Variants in AGPAT4 observed in about 807,000 individuals in gnomAD.
AGPAT4 encodes 1-acyl-sn-glycerol-3-phosphate acyltransferase delta.
AGPAT4 carries 15 observed loss-of-function variants against 48.0 expected under a neutral mutation model. That is an observed-to-expected ratio of 0.31 (90% CI 0.21 to 0.48). The LOEUF is 0.48. Ranked by LOEUF, AGPAT4 falls within the 20% of genes least tolerant of loss-of-function variation. The pLI is 0.99. For synonymous variants in AGPAT4, 178 were observed against 198.7 expected, an observed-to-expected ratio of 0.90 and a Z score of 0.88; for missense variants, 314 against 482.5, an observed-to-expected ratio of 0.65 and a Z score of 3.27.
At chr6:161,191,636 G>A (rs1252661943) in intron 2 of AGPAT4, among the ~76,000 whole-genome samples, 1 of 152,196 alleles carries the variant, frequency 6.6e-6, no homozygotes, top group Non-Finnish European at 1.5e-5. Context: ...TGAAGATGTT[G>A]ATTAATTAGA....
At position 161,231,795 on chromosome 6, in the gene AGPAT4, C is replaced by A. The variant is rs139279614; in HGVS notation, c.178+241G>T. The stretch of plus-strand genomic sequence containing the variant: ...GAGAACTAAAGAAACTAATGGAATG[C>A]GTATTTACTTTTCATAGTATACCTG... On this transcript the variant is annotated intron_variant, in intron 2 of 8. Transcript: ENST00000320285. This position sits in a 1 kb window ranked among gnomAD's most constrained non-coding sequence, Gnocchi z 5.3. Among the ~76,000 whole-genome samples, 1 of 152,040 alleles carries A rather than the reference C, an allele frequency of 6.6e-6. No homozygotes were observed. Among genetic ancestry groups the A allele is most frequent in the Non-Finnish European group, 1.5e-5 (1 of 68,020 alleles).
chr6:161,244,318 C>T lies in AGPAT4; in HGVS notation c.-89-12016G>A, dbSNP rs1782588810. Among the ~76,000 whole-genome samples the T allele has an allele frequency of 6.6e-6, 1 of 152,316 alleles. No homozygotes were observed. The highest frequency in any genetic ancestry group is 2.1e-4 in the South Asian group (1 of 4,820). On this transcript the variant is annotated intron_variant, in intron 1 of 8. Coordinates refer to ENST00000320285, the MANE Select transcript of AGPAT4 (RefSeq NM_020133.3). This position sits in a 1 kb window ranked among gnomAD's most constrained non-coding sequence, Gnocchi z 4.7. ...TGACACCAACGCAGACAGCACGTTC[C>T]TACATCACCAGCAAATCATGGCACC... is the stretch of plus-strand genomic sequence containing the variant.
In AGPAT4 at chr6:161,225,946, C is replaced by A. The variant is rs111769801; in HGVS notation, c.178+6090G>T. On this transcript the variant is annotated intron_variant, in intron 2 of 8. Transcript: ENST00000320285. This position sits in a 1 kb window ranked among gnomAD's most constrained non-coding sequence, Gnocchi z 5.0. The stretch of plus-strand genomic sequence containing the variant: ...CGGGTCTTTTAAATTCCTTTCCATC[C>A]GACTTGACTCGCCAAAGCCACTGTT... 1.3e-5 allele frequency among the ~76,000 whole-genome samples: 2 copies of A among 152,026 alleles called. No individual in the cohort carries two copies. The highest frequency in any genetic ancestry group is 2.9e-5 in the Non-Finnish European group (2 of 68,020).
chr6:161,258,192 G>C (rs1241590658), intron 1 of AGPAT4, among the ~76,000 whole-genome samples: 1 of 152,172 alleles, frequency 6.6e-6, no homozygotes, highest in African/African-American at 2.4e-5. Context: ...AAGACTGAGA[G>C]TGGCAGTTCA....
At position 161,245,728 on chromosome 6, in the gene AGPAT4, G is replaced by A. The variant is rs529643119; in HGVS notation, c.-89-13426C>T. 9.9e-5 allele frequency among the ~76,000 whole-genome samples: 15 copies of A among 152,082 alleles called. No homozygotes were observed. Among genetic ancestry groups the A allele is most frequent in the Admixed American group, 2.6e-4 (4 of 15,262 alleles). Reference sequence around the variant, plus strand: ...AAGTGCCCTCAATCCTTGAGTTCTTGGAGATCCTGTCATTGCCAATCCTAG... The same window carrying A: ...AAGTGCCCTCAATCCTTGAGTTCTTAGAGATCCTGTCATTGCCAATCCTAG... On this transcript the variant is annotated intron_variant, in intron 1 of 8. Coordinates refer to ENST00000320285, the MANE Select transcript of AGPAT4 (RefSeq NM_020133.3). The surrounding 1 kb of genome is among the most constrained non-coding windows in gnomAD (Gnocchi z 5.2).
In AGPAT4 at chr6:161,246,472, T is replaced by C. The variant is rs1029271750; in HGVS notation, c.-89-14170A>G. 3.3e-5 allele frequency among the ~76,000 whole-genome samples: 5 copies of C among 150,110 alleles called. No individual in the cohort carries two copies. The highest frequency in any genetic ancestry group is 1.2e-4 in the African/African-American group (5 of 40,598). On this transcript the variant is annotated intron_variant, in intron 1 of 8. Transcript: ENST00000320285. This position sits in a 1 kb window ranked among gnomAD's most constrained non-coding sequence, Gnocchi z 5.5. ...TTGCCCAGGCTGGAGTGCAATGGAG[T>C]GATCTCAGCTCACTGCAACCTCCGC...
At position 161,208,721 on chromosome 6, in the gene AGPAT4, A is replaced by G. The variant is rs1781446701; in HGVS notation, c.178+23315T>C. 6.6e-6 allele frequency among the ~76,000 whole-genome samples: 1 copy of G among 152,248 alleles called. No individual in the cohort carries two copies. Among genetic ancestry groups the G allele is most frequent in the Admixed American group, 6.5e-5 (1 of 15,276 alleles). On this transcript the variant is annotated intron_variant, in intron 2 of 8. Coordinates refer to ENST00000320285, the MANE Select transcript of AGPAT4 (RefSeq NM_020133.3). The surrounding 1 kb of genome is among the most constrained non-coding windows in gnomAD (Gnocchi z 4.6). ...AAAAGAAGTCTATGTGTTCAAAAGA[A>G]AACTATTTGGTGCTGATTTATTTAA...
At position 161,234,306 on chromosome 6, in the gene AGPAT4, C is replaced by T. The variant is rs1782206881; in HGVS notation, c.-89-2004G>A. On this transcript the variant is annotated intron_variant, in intron 1 of 8. Coordinates refer to ENST00000320285, the MANE Select transcript of AGPAT4 (RefSeq NM_020133.3). The surrounding 1 kb of genome is among the most constrained non-coding windows in gnomAD (Gnocchi z 4.4). ...CTGATAGGAGGGAAATGGGAAGAAG[C>T]TTTCGGCCTGATTTCTCTGAAATCA... 6.6e-6 allele frequency among the ~76,000 whole-genome samples: 1 copy of T among 152,168 alleles called. No homozygotes were observed. The highest frequency in any genetic ancestry group is 2.4e-5 in the African/African-American group (1 of 41,438).
rs1336303057 is a variant in AGPAT4 at position 161,161,584 on chromosome 6, C to T, written c.348+4664G>A. 2.4e-6 allele frequency: 1 copy of T among 422,926 alleles called. No homozygotes were observed. 26.2% of individuals were successfully genotyped at this position (422,926 alleles called of 1,614,324 possible). On this transcript the variant is annotated intron_variant, in intron 3 of 8. Transcript: ENST00000320285. The surrounding 1 kb of genome is among the most constrained non-coding windows in gnomAD (Gnocchi z 4.6). ...GTGAGCAGGGTGCAAGACCACCCTACAGAGCTGACAAAACCATGGCGGTGG... is the reference window on the plus strand; with the variant it reads ...GTGAGCAGGGTGCAAGACCACCCTATAGAGCTGACAAAACCATGGCGGTGG...
At position 161,249,090 on chromosome 6, in the gene AGPAT4, T is replaced by C. The variant is rs1203977841; in HGVS notation, c.-89-16788A>G. ...AAAGGACTCCCTATTCAATAAACAG[T>C]GCTGGGATAACTGGCTAGCTATATG... On this transcript the variant is annotated intron_variant, in intron 1 of 8. Coordinates refer to ENST00000320285, the MANE Select transcript of AGPAT4 (RefSeq NM_020133.3). This position sits in a 1 kb window ranked among gnomAD's most constrained non-coding sequence, Gnocchi z 6.2. Among the ~76,000 whole-genome samples, 3 of 152,170 alleles carry C rather than the reference T, an allele frequency of 2.0e-5. No homozygotes were observed. The highest frequency in any genetic ancestry group is 4.4e-5 in the Non-Finnish European group (3 of 68,032).
chr6:161,218,173 T>C lies in AGPAT4; in HGVS notation c.178+13863A>G, dbSNP rs1433790897. 6.6e-6 allele frequency among the ~76,000 whole-genome samples: 1 copy of C among 152,174 alleles called. No individual in the cohort carries two copies. Among genetic ancestry groups the C allele is most frequent in the Non-Finnish European group, 1.5e-5 (1 of 68,036 alleles). Reference sequence around the variant, plus strand: ...TGTAGCTCTCTACCCCCGTCCACAGTGACGGTGCCAATGGTGCTGTGCTGG... The same window carrying C: ...TGTAGCTCTCTACCCCCGTCCACAGCGACGGTGCCAATGGTGCTGTGCTGG... On this transcript the variant is annotated intron_variant, in intron 2 of 8. Transcript: ENST00000320285. The surrounding 1 kb of genome is among the most constrained non-coding windows in gnomAD (Gnocchi z 4.7).
intron 2 of AGPAT4, among the ~76,000 whole-genome samples, chr6:161,175,781 T>C (rs1780411926): frequency 6.6e-6 from 1 of 152,240 alleles, no homozygotes; most frequent in Non-Finnish European, 1.5e-5. Context: ...TTTAGTGCTA[T>C]AAATTTCCCT....
At chr6:161,260,261 C>G (rs1351585960) in intron 1 of AGPAT4, among the ~76,000 whole-genome samples, 1 of 152,122 alleles carries the variant, frequency 6.6e-6, no homozygotes, top group Non-Finnish European at 1.5e-5. Context: ...GAACACTGAC[C>G]AGTCCCAAGG....
In AGPAT4 at chr6:161,262,343, G is replaced by A. The variant is rs1342516593; in HGVS notation, c.-90+11595C>T. Among the ~76,000 whole-genome samples the A allele has an allele frequency of 2.6e-5, 4 of 152,176 alleles. No individual in the cohort carries two copies. The highest frequency in any genetic ancestry group is 7.2e-5 in the African/African-American group (3 of 41,446). On this transcript the variant is annotated intron_variant, in intron 1 of 8. Coordinates refer to ENST00000320285, the MANE Select transcript of AGPAT4 (RefSeq NM_020133.3). The surrounding 1 kb of genome is among the most constrained non-coding windows in gnomAD (Gnocchi z 4.9). ...ACTCTGCTGCCAGGACCTGAAAAGC[G>A]TGATGGAGCTGCAGCCATGGTGGCC...
intron 1 of AGPAT4, among the ~76,000 whole-genome samples, chr6:161,260,434 C>T (rs112302728): frequency 0.031 from 4,769 of 151,750 alleles, 264 homozygotes; most frequent in African/African-American, 0.11. Context: ...CTGAGGCAGG[C>T]GGATCACTTG....
Position 161,142,193 on chromosome 6 carries a change from A to G in AGPAT4, c.844-2573T>C, listed in dbSNP as rs560110589. ...GTTTTCTTTGTCTGTGGTTTAAAACACTAAATCTCATCCCCTCCCCTCACT... is the reference window on the plus strand; with the variant it reads ...GTTTTCTTTGTCTGTGGTTTAAAACGCTAAATCTCATCCCCTCCCCTCACT... On this transcript the variant is annotated intron_variant, in intron 7 of 8. Coordinates refer to ENST00000320285, the MANE Select transcript of AGPAT4 (RefSeq NM_020133.3). This position sits in a 1 kb window ranked among gnomAD's most constrained non-coding sequence, Gnocchi z 6.4. Among the ~76,000 whole-genome samples the G allele has an allele frequency of 9.8e-5, 15 of 152,314 alleles. No individual in the cohort carries two copies. In the South Asian group the frequency reaches 3.1e-3, roughly 32 times the overall value.
In AGPAT4 at chr6:161,178,437, C is replaced by T. The variant is rs189523163; in HGVS notation, c.179-12020G>A. Among the ~76,000 whole-genome samples the T allele has an allele frequency of 2.1e-3, 316 of 152,314 alleles. 1 individual carries two copies. Among genetic ancestry groups the T allele is most frequent in the Non-Finnish European group, 1.2e-3 (80 of 68,028 alleles). The stretch of plus-strand genomic sequence containing the variant: ...GGCGTCGGACCCTCTGAGCCAGACA[C>T]GGGATATAATCTCCTGGTGTGCCAT... On this transcript the variant is annotated intron_variant, in intron 2 of 8. Coordinates refer to ENST00000320285, the MANE Select transcript of AGPAT4 (RefSeq NM_020133.3). This position sits in a 1 kb window ranked among gnomAD's most constrained non-coding sequence, Gnocchi z 5.1.
Position 161,159,583 on chromosome 6 carries a change from TAATG to T in AGPAT4, c.349-5277_349-5274del, listed in dbSNP as rs1324425289. Reference sequence around the variant, plus strand: ...ATGCAGAAAAGACTGGAGCTCAAAATAATGAATCAGTTTGTGTGCACGCGTGCGT... The same window carrying T: ...ATGCAGAAAAGACTGGAGCTCAAAATAATCAGTTTGTGTGCACGCGTGCGT... On this transcript the variant is annotated intron_variant, in intron 3 of 8. Coordinates refer to ENST00000320285, the MANE Select transcript of AGPAT4 (RefSeq NM_020133.3). The surrounding 1 kb of genome is among the most constrained non-coding windows in gnomAD (Gnocchi z 4.1). 2.0e-5 allele frequency among the ~76,000 whole-genome samples: 3 copies of T among 152,154 alleles called. No homozygotes were observed. Among genetic ancestry groups the T allele is most frequent in the Admixed American group, 6.5e-5 (1 of 15,268 alleles).
At chr6:161,182,395 A>G (rs1302363510) in intron 2 of AGPAT4, among the ~76,000 whole-genome samples, 1 of 116,006 alleles carries the variant, frequency 8.6e-6, no homozygotes, top group Non-Finnish European at 1.8e-5. Flanking sequence ...CCCTCACCCC[A>G]GCCCTGCATC....
Sources: gnomAD v4.1 joint callset for allele counts (sites outside exome capture counted in the v4.1 genomes callset) on GRCh38, gnomAD v4.1.1 for gene constraint, Gnocchi (gnomAD v3.1) non-coding constraint, MANE v1.5 for transcripts, NCBI Gene and HGNC (gene_info 2026-07-23, HGNC 2026-07-21) for gene names.